Variants in UMODL1 observed in about 807,000 individuals in gnomAD.
UMODL1 encodes uromodulin-like 1.
In UMODL1, 128 loss-of-function variants were observed where a neutral mutation model predicts 136.3. That is an observed-to-expected ratio of 0.94 (90% CI 0.81 to 1.09). The LOEUF (loss-of-function observed/expected upper bound fraction) is 1.09, where lower values mean the gene tolerates loss of function less well. Ranked by LOEUF, UMODL1 falls within the 50% of genes least tolerant of loss-of-function variation. The probability of loss-of-function intolerance (pLI) is 0.00; values close to 1 mark genes in which losing one functional copy is unlikely to be tolerated. For synonymous variants in UMODL1, 721 were observed against 720.0 expected, an observed-to-expected ratio of 1.00 and a Z score of -0.02; for missense variants, 1,766 against 1,725.6, an observed-to-expected ratio of 1.02 and a Z score of -0.41.
At position 42,077,254 on chromosome 21, in the gene UMODL1, C is replaced by T. The variant is rs578087564; in HGVS notation, c.319+1007C>T. 5.9e-5 allele frequency among the ~76,000 whole-genome samples: 9 copies of T among 151,968 alleles called. No individual in the cohort carries two copies. In the South Asian group the frequency reaches 8.3e-4, roughly 14 times the overall value. On this transcript the variant is annotated intron_variant, in intron 2 of 22. Transcript: ENST00000408910. ...AGAAGCCACCAGCTCCTGGGTGCCA[C>T]GAAGGGGATCCTGCAGGACCCATCC... is the stretch of plus-strand genomic sequence containing the variant.
At chr21:42,095,087 C>CTGTTTTTTTTT (rs1569151181) in intron 6 of UMODL1, among the ~76,000 whole-genome samples, 3 of 34,048 alleles carry the variant, frequency 8.8e-5, no homozygotes, top group African/African-American at 2.2e-4. Context: ...TTTTCTTCTG[C>CTGTTTTTTTTT]TGTTTTTTTT....
intron 1 of UMODL1, among the ~76,000 whole-genome samples, chr21:42,072,902 C>G (rs1344272798): frequency 6.6e-6 from 1 of 152,230 alleles, no homozygotes; most frequent in Admixed American, 6.5e-5. Flanking sequence ...TAACTGCTTT[C>G]TTCTCTGGGC....
chr21:42,141,702 G>A (rs2067284058), intron 22 of UMODL1, among the ~76,000 whole-genome samples: 1 of 152,154 alleles, frequency 6.6e-6, no homozygotes, highest in South Asian at 2.1e-4. Flanking sequence ...AAAACCATCA[G>A]CCAACCCACC....
chr21:42,123,148 A>G lies in UMODL1; in HGVS notation c.3145A>G (p.Ser1049Gly). Reference sequence around the variant, plus strand: ...GAGCGAGTGTGGGACCCTCATGCAGAGCGTAAGACCAGGAGAGCCAGGCTC... The same window carrying G: ...GAGCGAGTGTGGGACCCTCATGCAGGGCGTAAGACCAGGAGAGCCAGGCTC... ...GWSECGTLMQSNMTNTVVRTT... is the reference protein window; with the variant it reads ...GWSECGTLMQGNMTNTVVRTT... Residue 1049 changes from serine to glycine, a missense_variant and splice_region_variant, in exon 17 of 23, where the codon AGC (serine) becomes GGC (glycine). Ser to Gly is a moderately conservative substitution (Grantham distance 56). Coordinates refer to ENST00000408910, the MANE Select transcript of UMODL1 (RefSeq NM_001004416.3). This position sits in a 1 kb window ranked among gnomAD's most constrained non-coding sequence, Gnocchi z 4.4. The G allele has an allele frequency of 6.2e-7, 1 of 1,610,538 alleles. No homozygotes were observed. Among genetic ancestry groups the G allele is most frequent in the Non-Finnish European group, 8.5e-7 (1 of 1,177,688 alleles).
chr21:42,092,621 A>G (rs2066505227), intron 6 of UMODL1, among the ~76,000 whole-genome samples: 1 of 152,216 alleles, frequency 6.6e-6, no homozygotes, highest in Non-Finnish European at 1.5e-5. Flanking sequence ...ACCTTGTGAC[A>G]GGGGTTACAG....
At chr21:42,067,027 T>C (rs988670877), upstream of UMODL1, among the ~76,000 whole-genome samples, 4 of 149,764 alleles carry the variant, frequency 2.7e-5, no homozygotes, top group Admixed American at 1.3e-4. Flanking sequence ...CAGGCTGGAG[T>C]GCAGTGGCGC....
At chr21:42,075,010 T>C (rs2066272035) in intron 1 of UMODL1, among the ~76,000 whole-genome samples, 1 of 152,266 alleles carries the variant, frequency 6.6e-6, no homozygotes, top group East Asian at 1.9e-4. Context: ...CACGCCATTC[T>C]GCCTCAGCCT....
At chr21:42,139,242 G>C (rs2067247539) in intron 22 of UMODL1, among the ~76,000 whole-genome samples, 1 of 152,196 alleles carries the variant, frequency 6.6e-6, no homozygotes, top group African/African-American at 2.4e-5. Flanking sequence ...TCCAAATGCT[G>C]TAAGGGAAGC....
At chr21:42,108,367 G>A in intron 9 of UMODL1, 2 of 522,080 alleles carry the variant, frequency 3.8e-6, no homozygotes, top group South Asian at 2.9e-5. Flanking sequence ...TGATGGCAAG[G>A]CAGCCCCCAG....
intron 9 of UMODL1, among the ~76,000 whole-genome samples, chr21:42,109,151 C>T (rs915474195): frequency 4.1e-5 from 6 of 145,952 alleles, no homozygotes; most frequent in African/African-American, 1.5e-4. Context: ...GGAAAGTTCA[C>T]GTTATACTCA....
intron 19 of UMODL1, 44 bp from the exon 20 acceptor site, chr21:42,127,628 G>A (rs746997851): frequency 6.4e-5 from 102 of 1,584,628 alleles, no homozygotes; most frequent in South Asian, 3.1e-4. Context: ...CAAGGACAGC[G>A]GGGCTCGCTG....
At chr21:42,103,732 G>C (rs1237079924) in intron 8 of UMODL1, 136 bp from the exon 9 acceptor site, 1 of 1,018,174 alleles carries the variant, frequency 9.8e-7, no homozygotes, top group Non-Finnish European at 1.5e-6. Context: ...GCTCTGAGAG[G>C]TCGGTCGTCA....
chr21:42,111,753 C>T (rs1381604496), intron 12 of UMODL1, 43 bp downstream of exon 12: 1 of 1,531,292 alleles, frequency 6.5e-7, no homozygotes, highest in African/African-American at 1.4e-5. Context: ...ACTAATAGGA[C>T]CCATAGCCTG....
intron 5 of UMODL1, among the ~76,000 whole-genome samples, chr21:42,089,536 G>T (rs184613901): frequency 6.6e-6 from 1 of 152,350 alleles, no homozygotes; most frequent in Admixed American, 6.5e-5. Context: ...GAACCATGTG[G>T]TTTCTCAGTA....
At chr21:42,114,671 A>G (rs1027047725) in intron 13 of UMODL1, among the ~76,000 whole-genome samples, 4 of 152,240 alleles carry the variant, frequency 2.6e-5, no homozygotes, top group African/African-American at 9.6e-5. Context: ...TATGTGCTTT[A>G]AAGTACTAAT....
At chr21:42,136,526 A>G (rs2067206973) in intron 21 of UMODL1, among the ~76,000 whole-genome samples, 1 of 152,092 alleles carries the variant, frequency 6.6e-6, no homozygotes, top group Non-Finnish European at 1.5e-5. Context: ...TTTACGTTGC[A>G]GTGGGTCAGC....
chr21:42,101,692 C>T (rs1211720450), intron 7 of UMODL1: 1 of 456,218 alleles, frequency 2.2e-6, no homozygotes, highest in Non-Finnish European at 4.4e-6. Context: ...AGCAACCCTA[C>T]CATTTTGACT....
At chr21:42,137,297 C>A (rs2067217054) in intron 21 of UMODL1, 142 bp from the exon 22 acceptor site, 2 of 1,060,016 alleles carry the variant, frequency 1.9e-6, no homozygotes, top group Admixed American at 2.0e-5. Context: ...GCTTTGGTAA[C>A]CCACAGGCAC....
chr21:42,114,348 A>G (rs2066876865), intron 13 of UMODL1, among the ~76,000 whole-genome samples: 1 of 152,238 alleles, frequency 6.6e-6, no homozygotes, highest in South Asian at 2.1e-4. Flanking sequence ...CAGTGACAAT[A>G]TTACACATAT....
Sources: gnomAD v4.1 joint callset for allele counts (sites outside exome capture counted in the v4.1 genomes callset) on GRCh38, gnomAD v4.1.1 for gene constraint, Gnocchi (gnomAD v3.1) non-coding constraint, MANE v1.5 for transcripts, NCBI Gene and HGNC (gene_info 2026-07-23, HGNC 2026-07-21) for gene names.